The following SESTD1 variants were observed in gnomAD, a reference collection of about 807,000 sequenced individuals.
The protein encoded by SESTD1 is SEC14 domain and spectrin repeat-containing protein 1.
In SESTD1, 43 loss-of-function variants were observed where a neutral mutation model predicts 101.7. The observed-to-expected ratio is 0.42, with a 90% CI of 0.33 to 0.55. The LOEUF (loss-of-function observed/expected upper bound fraction) is 0.55, where lower values mean the gene tolerates loss of function less well. Ranked by LOEUF, SESTD1 falls within the 20% of genes least tolerant of loss-of-function variation. SESTD1 has a pLI of 0.07. For synonymous variants in SESTD1, 283 were observed against 286.8 expected, an observed-to-expected ratio of 0.99 and a Z score of 0.13; for missense variants, 647 against 815.1, an observed-to-expected ratio of 0.79 and a Z score of 2.51.
intron 1 of SESTD1, among the ~76,000 whole-genome samples, chr2:179,256,004 A>G (rs13020645): frequency 0.27 from 40,716 of 151,940 alleles, 5,852 homozygotes; most frequent in South Asian, 0.4. Flanking sequence ...GCCTACTATT[A>G]AGACCTGCTG....
chr2:179,242,431 C>A (rs2047168223), intron 1 of SESTD1, among the ~76,000 whole-genome samples: 1 of 151,570 alleles, frequency 6.6e-6, no homozygotes, highest in Non-Finnish European at 1.5e-5. Flanking sequence ...ATCAAACAAC[C>A]AATGTCATTT....
At chr2:179,261,778 T>C (rs1440494576) in intron 1 of SESTD1, among the ~76,000 whole-genome samples, 1 of 152,096 alleles carries the variant, frequency 6.6e-6, no homozygotes, top group East Asian at 1.9e-4. Flanking sequence ...CTAGAAGGAA[T>C]GTAAAACAGT....
intron 1 of SESTD1, among the ~76,000 whole-genome samples, chr2:179,230,068 A>T (rs2046960202): frequency 1.3e-5 from 2 of 148,672 alleles, no homozygotes; most frequent in African/African-American, 4.9e-5. Context: ...AAAACCAACA[A>T]CAAAGTAGAA....
intron 8 of SESTD1, 65 bp from the exon 9 acceptor site, chr2:179,143,868 T>G: frequency 6.5e-7 from 1 of 1,528,082 alleles, no homozygotes; most frequent in Middle Eastern, 1.7e-4. Flanking sequence ...CTTCTCAATA[T>G]TCCCAATTCT....
intron 1 of SESTD1, among the ~76,000 whole-genome samples, chr2:179,224,539 T>C (rs898999018): frequency 6.6e-6 from 1 of 152,200 alleles, no homozygotes; most frequent in Non-Finnish European, 1.5e-5. Context: ...ATGAAATGAC[T>C]GATTGCTGAA....
chr2:179,225,365 CTGTAA>C (rs1365727871), intron 1 of SESTD1, among the ~76,000 whole-genome samples: 2 of 151,924 alleles, frequency 1.3e-5, no homozygotes, highest in African/African-American at 4.8e-5. Context: ...GTAACCTTTA[CTGTAA>C]TATAAATAAT....
At chr2:179,255,663 C>T (rs1473629437) in intron 1 of SESTD1, among the ~76,000 whole-genome samples, 5 of 152,122 alleles carry the variant, frequency 3.3e-5, no homozygotes, top group African/African-American at 1.2e-4. Context: ...GTAGAAGCTG[C>T]AGTATGTTAT....
intron 1 of SESTD1, among the ~76,000 whole-genome samples, chr2:179,243,957 TATATACACACACAC>T (rs1397408326): frequency 4.7e-5 from 7 of 148,158 alleles, no homozygotes; most frequent in African/African-American, 1.7e-4. Context: ...TATATATATA[TATATACACACACAC>T]ACACACACAC....
In SESTD1 at chr2:179,115,200, A is replaced by G. The variant is rs774240930; in HGVS notation, c.1704T>C (p.Ser568=). 6.2e-7 allele frequency: 1 copy of G among 1,613,832 alleles called. No homozygotes were observed. The highest frequency in any genetic ancestry group is 2.2e-5 in the East Asian group (1 of 44,850). ...LLQATVVLCQ[S]LRCTSRSSGD... is the part of the protein sequence containing the mutation. Reference sequence around the variant, plus strand: ...CAGATGACCGAGAAGTGCAGCGCAAAGATTGGCATAACACAACTGTGGCCT... The same window carrying G: ...CAGATGACCGAGAAGTGCAGCGCAAGGATTGGCATAACACAACTGTGGCCT... Residue 568 remains serine, a synonymous_variant, in exon 16 of 18, where the codon TCT becomes TCC. Transcript: ENST00000428443.
intron 5 of SESTD1, among the ~76,000 whole-genome samples, chr2:179,169,970 A>G (rs949977785): frequency 2.8e-5 from 4 of 142,010 alleles, no homozygotes; most frequent in African/African-American, 1.2e-4. Context: ...GCGAAACTCC[A>G]TCTCAAAAAA....
intron 1 of SESTD1, among the ~76,000 whole-genome samples, chr2:179,196,164 G>A (rs2046389510): frequency 6.6e-6 from 1 of 152,234 alleles, no homozygotes; most frequent in African/African-American, 2.4e-5. Context: ...GGGTCAGGGA[G>A]TTCCCTTTCC....
At chr2:179,162,742 C>T (rs1397034066) in intron 5 of SESTD1, among the ~76,000 whole-genome samples, 1 of 151,126 alleles carries the variant, frequency 6.6e-6, no homozygotes, top group Non-Finnish European at 1.5e-5. Context: ...AATCCTAGCA[C>T]TTTGGGAGGC....
intron 12 of SESTD1, among the ~76,000 whole-genome samples, chr2:179,122,509 CTG>C (rs1265937611): frequency 6.6e-6 from 1 of 151,956 alleles, no homozygotes; most frequent in Non-Finnish European, 1.5e-5. Context: ...TAAACAAAGA[CTG>C]TGGCTCAAGA....
chr2:179,197,093 C>G (rs1273361224), intron 1 of SESTD1, among the ~76,000 whole-genome samples: 1 of 151,944 alleles, frequency 6.6e-6, no homozygotes, highest in African/African-American at 2.4e-5. Context: ...ACTAGAATAA[C>G]CAATACAGAG....
chr2:179,249,799 C>T (rs2047289351), intron 1 of SESTD1, among the ~76,000 whole-genome samples: 1 of 150,858 alleles, frequency 6.6e-6, no homozygotes, highest in African/African-American at 2.4e-5. Flanking sequence ...CAAATATGCC[C>T]AACTGCTTTT....
chr2:179,120,905 G>A (rs536742359), intron 13 of SESTD1, among the ~76,000 whole-genome samples: 1 of 152,316 alleles, frequency 6.6e-6, no homozygotes, highest in South Asian at 2.1e-4. Context: ...AGAAATTTAA[G>A]CATTTAAGTG....
Position 179,155,643 on chromosome 2 carries a change from CT to C in SESTD1, c.370-4253del, listed in dbSNP as rs201812825. On this transcript the variant is annotated intron_variant, in intron 5 of 17. Coordinates refer to ENST00000428443, the MANE Select transcript of SESTD1 (RefSeq NM_178123.5). The stretch of plus-strand genomic sequence containing the variant: ...AAAAAAAACAAAACGTAAGGATGGT[CT>C]TTTTGCTCTTCAATTGCATCTTATT... Among the ~76,000 whole-genome samples the C allele has an allele frequency of 1.5e-3, 223 of 152,056 alleles. 3 individuals carry two copies. The East Asian group carries it at 0.028, about 19-fold the overall frequency.
intron 9 of SESTD1, among the ~76,000 whole-genome samples, chr2:179,136,468 T>G (rs2045147588): frequency 1.3e-5 from 2 of 152,182 alleles, no homozygotes; most frequent in Admixed American, 6.5e-5. Context: ...TAAGGAAACA[T>G]AGGTAAACAT....
intron 9 of SESTD1, among the ~76,000 whole-genome samples, chr2:179,140,081 G>C (rs148165534): frequency 6.6e-6 from 1 of 152,240 alleles, no homozygotes; most frequent in East Asian, 1.9e-4. Context: ...ACCTTGTTGG[G>C]AACTCGATAG....
Sources: allele counts gnomAD v4.1 joint callset (sites outside exome capture counted in the v4.1 genomes callset), GRCh38; gene constraint gnomAD v4.1.1; transcripts MANE v1.5; gene names NCBI Gene and HGNC (gene_info 2026-07-23, HGNC 2026-07-21).